Variants in CSMD1 observed in about 807,000 individuals in gnomAD.
The protein encoded by CSMD1 is CUB and Sushi multiple domains 1.
CSMD1 carries 213 observed loss-of-function variants against 417.5 expected under a neutral mutation model. The ratio of observed to expected loss-of-function variants is 0.51; its 90% CI spans 0.46 to 0.57. The LOEUF (loss-of-function observed/expected upper bound fraction) is 0.57. Ranked by LOEUF, CSMD1 falls within the 20% of genes least tolerant of loss-of-function variation. The pLI is 0.00. For synonymous variants in CSMD1, 2,862 were observed against 1,736.8 expected, an observed-to-expected ratio of 1.65 and a Z score of -16.11; for missense variants, 6,923 against 4,529.7, an observed-to-expected ratio of 1.53 and a Z score of -15.17.
intron 3 of CSMD1, among the ~76,000 whole-genome samples, chr8:4,173,684 A>G (rs576869447): frequency 1.3e-5 from 2 of 152,152 alleles, no homozygotes; most frequent in Non-Finnish European, 2.9e-5. Flanking sequence ...GTAGTAGGAA[A>G]ATTTCTGAAT....
chr8:4,948,762 C>A (rs1563843288), intron 1 of CSMD1, among the ~76,000 whole-genome samples: 1 of 152,050 alleles, frequency 6.6e-6, no homozygotes, highest in Non-Finnish European at 1.5e-5. Flanking sequence ...TAGTTTCTTT[C>A]TTTATAACCC....
At chr8:4,684,371 T>C (rs1318694273) in intron 1 of CSMD1, among the ~76,000 whole-genome samples, 1 of 152,224 alleles carries the variant, frequency 6.6e-6, no homozygotes, top group Non-Finnish European at 1.5e-5. Flanking sequence ...ATGAACTCTA[T>C]GAAGAAACTT....
At chr8:3,575,825 C>T (rs1247413534) in intron 9 of CSMD1, among the ~76,000 whole-genome samples, 2 of 141,826 alleles carry the variant, frequency 1.4e-5, no homozygotes, top group Admixed American at 7.6e-5. Flanking sequence ...ATTTAATTGG[C>T]CTCCAGTTTA....
chr8:4,210,780 T>C (rs1353825719), intron 3 of CSMD1, among the ~76,000 whole-genome samples: 1 of 152,152 alleles, frequency 6.6e-6, no homozygotes, highest in Non-Finnish European at 1.5e-5. Context: ...ATTCAATGAG[T>C]AAATACGAGC....
chr8:4,946,883 A>C (rs1808405805), intron 1 of CSMD1, among the ~76,000 whole-genome samples: 1 of 151,662 alleles, frequency 6.6e-6, no homozygotes. Context: ...ATGATTTAAT[A>C]ATCAGAAAAT....
intron 3 of CSMD1, among the ~76,000 whole-genome samples, chr8:4,040,625 T>C (rs1797837283): frequency 6.6e-6 from 1 of 152,180 alleles, no homozygotes; most frequent in African/African-American, 2.4e-5. Context: ...TACGATGTTT[T>C]CTTAGGTAGA....
chr8:4,146,732 C>G (rs1410875008), intron 3 of CSMD1, among the ~76,000 whole-genome samples: 1 of 148,072 alleles, frequency 6.8e-6, no homozygotes, highest in Admixed American at 6.7e-5. Flanking sequence ...CTGCCTCAGC[C>G]TCCAGAGGAG....
chr8:4,344,595 G>A (rs530260168), intron 3 of CSMD1, among the ~76,000 whole-genome samples: 116 of 151,278 alleles, frequency 7.7e-4, no homozygotes, highest in African/African-American at 2.6e-3. Flanking sequence ...ACAATGACTC[G>A]CTGGGTTATG....
At chr8:4,556,949 G>C (rs750216369) in intron 2 of CSMD1, among the ~76,000 whole-genome samples, 1 of 152,122 alleles carries the variant, frequency 6.6e-6, no homozygotes, top group African/African-American at 2.4e-5. Flanking sequence ...TATTCAACCT[G>C]TATCTGCTTT....
At chr8:4,920,901 GAAAAGAAAAGAAAAGAAAAGA>G (rs1207708712) in intron 1 of CSMD1, among the ~76,000 whole-genome samples, 2 of 30,724 alleles carry the variant, frequency 6.5e-5, no homozygotes, top group African/African-American at 2.1e-4. Context: ...GAAAAGAAAA[GAAAAGAAAAGAAAAGAAAAGA>G]AAAGAAAGAG....
intron 2 of CSMD1, among the ~76,000 whole-genome samples, chr8:4,485,142 C>G (rs898156921): frequency 1.7e-4 from 26 of 152,088 alleles, no homozygotes; most frequent in African/African-American, 5.8e-4. Context: ...TCGGCATAGG[C>G]TGTATGCATT....
chr8:3,290,520 C>T (rs1431750977), intron 25 of CSMD1, among the ~76,000 whole-genome samples: 1 of 144,594 alleles, frequency 6.9e-6, no homozygotes, highest in Non-Finnish European at 1.5e-5. Context: ...GTTTGTAGTT[C>T]TCCTTGAAGA....
chr8:3,297,092 C>A (rs951317772), intron 25 of CSMD1, among the ~76,000 whole-genome samples: 1 of 152,106 alleles, frequency 6.6e-6, no homozygotes, highest in Non-Finnish European at 1.5e-5. Flanking sequence ...CAGAAAGCAT[C>A]CTAGAGCTGG....
At chr8:3,816,384 GC>G (rs1801366784) in intron 5 of CSMD1, among the ~76,000 whole-genome samples, 1 of 152,210 alleles carries the variant, frequency 6.6e-6, no homozygotes, top group African/African-American at 2.4e-5. Flanking sequence ...TATTCTGAGA[GC>G]AAGATGGAGA....
At chr8:3,133,915 C>T (rs1817933278) in intron 41 of CSMD1, among the ~76,000 whole-genome samples, 2 of 152,184 alleles carry the variant, frequency 1.3e-5, no homozygotes, top group Non-Finnish European at 2.9e-5. Context: ...TGGCTCACGC[C>T]TGTAATCTCA....
intron 49 of CSMD1, among the ~76,000 whole-genome samples, chr8:3,069,594 TG>T (rs1160055609): frequency 6.6e-6 from 1 of 152,160 alleles, no homozygotes; most frequent in Non-Finnish European, 1.5e-5. Flanking sequence ...CGCAAGGCCT[TG>T]GGCAGCTTTG....
At chr8:4,191,021 C>G (rs1457845183) in intron 3 of CSMD1, among the ~76,000 whole-genome samples, 4 of 152,032 alleles carry the variant, frequency 2.6e-5, no homozygotes. Context: ...GTGATGAAGT[C>G]ATCTGTGCAA....
chr8:3,347,467 G>A (rs567948177), intron 22 of CSMD1, among the ~76,000 whole-genome samples: 2 of 152,326 alleles, frequency 1.3e-5, no homozygotes, highest in South Asian at 4.1e-4. Context: ...AGCCCTGTCT[G>A]TGATCTGACC....
chr8:3,442,465 C>G (rs952448356), intron 12 of CSMD1, among the ~76,000 whole-genome samples: 2 of 152,266 alleles, frequency 1.3e-5, no homozygotes, highest in African/African-American at 2.4e-5. Context: ...AGTGTTTTTA[C>G]TGTACCTTTT....
Sources: gnomAD v4.1 joint callset for allele counts (sites outside exome capture counted in the v4.1 genomes callset) on GRCh38, gnomAD v4.1.1 for gene constraint, MANE v1.5 for transcripts, NCBI Gene and HGNC (gene_info 2026-07-23, HGNC 2026-07-21) for gene names.